Variants in ATP5PB observed in about 807,000 individuals in gnomAD.
ATP5PB encodes the protein ATP synthase peripheral stalk subunit b, mitochondrial.
ATP5PB carries 21 observed loss-of-function variants against 34.5 expected under a neutral mutation model. That is an observed-to-expected ratio of 0.61 (90% CI 0.43 to 0.88). The LOEUF (loss-of-function observed/expected upper bound fraction) is 0.88, where lower values mean the gene tolerates loss of function less well. ATP5PB is among the 40% of genes least tolerant of loss of function. ATP5PB has a pLI of 0.00. For synonymous variants in ATP5PB, 108 were observed against 114.1 expected, an observed-to-expected ratio of 0.95 and a Z score of 0.34; for missense variants, 293 against 317.4, an observed-to-expected ratio of 0.92 and a Z score of 0.58.
chr1:111,459,489 C>G lies in ATP5PB; in HGVS notation c.546C>G (p.Tyr182Ter). The G allele has an allele frequency of 6.2e-7, 1 of 1,610,026 alleles. No individual in the cohort carries two copies. The highest frequency in any genetic ancestry group is 1.1e-5 in the South Asian group (1 of 90,316). Residue 182 changes from tyrosine (Y) to a stop codon, truncating the protein, a stop_gained, in exon 6 of 7, where the codon TAC becomes TAG. Coordinates refer to ENST00000369722, the MANE Select transcript of ATP5PB (RefSeq NM_001688.5). LOFTEE classifies it high-confidence loss of function. ...NNIAMALEVT[Y>*]RERLYRVYKE... ...TTGCTATGGCTTTGGAAGTTACTTACCGGGAACGACTGTATAGAGTATATA... is the reference window on the plus strand; with the variant it reads ...TTGCTATGGCTTTGGAAGTTACTTAGCGGGAACGACTGTATAGAGTATATA...
intron 5 of ATP5PB, among the ~76,000 whole-genome samples, chr1:111,458,607 T>A (rs550965178): frequency 5.5e-4 from 84 of 151,678 alleles, no homozygotes; most frequent in African/African-American, 2.0e-3. Flanking sequence ...CCTGGGACTG[T>A]GATATATAAA....
chr1:111,462,321 T>C lies in ATP5PB; in HGVS notation c.*1327T>C, dbSNP rs1203661667. On this transcript the variant is annotated 3_prime_UTR_variant, in exon 7 of 7. Coordinates refer to ENST00000369722, the MANE Select transcript of ATP5PB (RefSeq NM_001688.5). The stretch of plus-strand genomic sequence containing the variant: ...GCATGAATGAACCTTGAGGACGTTA[T>C]GCAGTTTTACAGGATGAGTTATGGA... 6.6e-6 allele frequency: 1 copy of C among 152,266 alleles called. No individual in the cohort carries two copies. 9.4% of individuals were successfully genotyped at this position (152,266 alleles called of 1,614,324 possible). A position where few individuals can be genotyped will look rare whatever the true frequency, so the allele number is the denominator to read the frequency against.
At position 111,462,020 on chromosome 1, in the gene ATP5PB, C is replaced by T. The variant is rs1307265476; in HGVS notation, c.*1026C>T. The T allele has an allele frequency of 6.6e-6, 1 of 151,892 alleles. No homozygotes were observed. The highest frequency in any genetic ancestry group is 1.5e-5 in the Non-Finnish European group (1 of 68,010). 9.4% of individuals were successfully genotyped at this position (151,892 alleles called of 1,614,324 possible). A position where few individuals can be genotyped will look rare whatever the true frequency, so the allele number is the denominator to read the frequency against. On this transcript the variant is annotated 3_prime_UTR_variant, in exon 7 of 7. Coordinates refer to ENST00000369722, the MANE Select transcript of ATP5PB (RefSeq NM_001688.5). ...CTGTTCGTAGAAATATGAAATGGTA[C>T]AGCCATTATGGAAAAGTGTGGTGAT... is the stretch of plus-strand genomic sequence containing the variant.
intron 3 of ATP5PB, 79 bp downstream of exon 3, chr1:111,454,435 G>GTTT (rs1045534055): frequency 7.3e-5 from 107 of 1,474,824 alleles, no homozygotes; most frequent in South Asian, 1.5e-4. Flanking sequence ...TTCTTCTTTG[G>GTTT]TTTTTGTTGT....
chr1:111,454,663 C>T (rs1341441089), intron 3 of ATP5PB, among the ~76,000 whole-genome samples: 1 of 152,004 alleles, frequency 6.6e-6, no homozygotes, highest in Non-Finnish European at 1.5e-5. Flanking sequence ...GGCTGGTCTC[C>T]AACTCCTGGG....
At position 111,456,107 on chromosome 1, in the gene ATP5PB, G is replaced by C. The variant is rs1339133264; in HGVS notation, c.245G>C (p.Gly82Ala). Reference protein sequence around the residue: ...GVTGPYVLGTGLILYALSKEI... With the variant: ...GVTGPYVLGTALILYALSKEI... Reference sequence around the variant, plus strand: ...TTAGGACCCTATGTACTCGGAACTGGGCTTATCTTGTACGCTTTATCCAAA... The same window carrying C: ...TTAGGACCCTATGTACTCGGAACTGCGCTTATCTTGTACGCTTTATCCAAA... The change falls in exon 4 of 7, where the codon GGG (glycine) becomes GCG (alanine). Residue 82 changes from glycine (G) to alanine (A), a missense_variant. By Grantham distance (60) the Gly-to-Ala change is moderately conservative. Transcript: ENST00000369722. The C allele has an allele frequency of 6.2e-7, 1 of 1,604,428 alleles. No individual in the cohort carries two copies. The highest frequency in any genetic ancestry group is 1.7e-5 in the Admixed American group (1 of 58,728).
At chr1:111,451,755 C>G (rs946708001) in intron 2 of ATP5PB, among the ~76,000 whole-genome samples, 1 of 151,878 alleles carries the variant, frequency 6.6e-6, no homozygotes, top group Non-Finnish European at 1.5e-5. Context: ...TGTGGTGTTT[C>G]TTTGTTTGTT....
In ATP5PB at chr1:111,462,532, A is replaced by C. The variant is rs186687144; in HGVS notation, c.*1538A>C. 6.6e-6 allele frequency: 1 copy of C among 152,348 alleles called. No individual in the cohort carries two copies. The highest frequency in any genetic ancestry group is 1.5e-5 in the Non-Finnish European group (1 of 68,024). The allele number at this position is 152,348 out of a possible 1,614,324, so 9.4% of individuals were successfully genotyped here. A position where few individuals can be genotyped will look rare whatever the true frequency, so the allele number is the denominator to read the frequency against. On this transcript the variant is annotated 3_prime_UTR_variant, in exon 7 of 7. Coordinates refer to ENST00000369722, the MANE Select transcript of ATP5PB (RefSeq NM_001688.5). ...CTGCATTTGATTCTCCCATACTTGTACAAGGATTTATTTGTATTCAAATGG... is the reference window on the plus strand; with the variant it reads ...CTGCATTTGATTCTCCCATACTTGTCCAAGGATTTATTTGTATTCAAATGG...
chr1:111,451,610 G>C (rs1452716718), intron 2 of ATP5PB, among the ~76,000 whole-genome samples: 5 of 152,230 alleles, frequency 3.3e-5, no homozygotes, highest in Non-Finnish European at 1.5e-5. Context: ...GCCCAAAATG[G>C]GGGGAGGGCT....
intron 2 of ATP5PB, among the ~76,000 whole-genome samples, chr1:111,450,205 T>C (rs970851414): frequency 1.3e-5 from 2 of 152,192 alleles, no homozygotes; most frequent in Admixed American, 6.5e-5. Context: ...GTAGATGACA[T>C]ACCCAAGAAT....
At chr1:111,457,057 A>T (rs1294892986) in intron 5 of ATP5PB, among the ~76,000 whole-genome samples, 1 of 152,240 alleles carries the variant, frequency 6.6e-6, no homozygotes, top group East Asian at 1.9e-4. Flanking sequence ...TGTGTAAGGA[A>T]GACTAGGTAA....
intron 1 of ATP5PB, 65 bp downstream of exon 1, chr1:111,449,646 C>G (rs1222542003): frequency 1.9e-6 from 3 of 1,561,156 alleles, no homozygotes; most frequent in Non-Finnish European, 2.6e-6. Context: ...CTAGGGGTGA[C>G]AGGGAGGGGA....
At chr1:111,454,815 T>C (rs1407622546) in intron 3 of ATP5PB, among the ~76,000 whole-genome samples, 1 of 152,182 alleles carries the variant, frequency 6.6e-6, no homozygotes, top group Non-Finnish European at 1.5e-5. Context: ...TGGTATAAAT[T>C]TATTTGGGAT....
At chr1:111,459,962 C>G (rs796680735) in intron 6 of ATP5PB, among the ~76,000 whole-genome samples, 2 of 152,238 alleles carry the variant, frequency 1.3e-5, no homozygotes, top group African/African-American at 4.8e-5. Context: ...GCCAGGAGTT[C>G]AAGACCAACC....
At chr1:111,449,803 T>G in intron 1 of ATP5PB, 34 bp from the exon 2 acceptor site, 1 of 1,614,102 alleles carries the variant, frequency 6.2e-7, no homozygotes, top group Non-Finnish European at 8.5e-7. Flanking sequence ...AGATTTCATT[T>G]GACTTTGCTG....
At chr1:111,450,626 T>G (rs1175473072) in intron 2 of ATP5PB, among the ~76,000 whole-genome samples, 1 of 152,228 alleles carries the variant, frequency 6.6e-6, no homozygotes, top group Non-Finnish European at 1.5e-5. Context: ...ATTTAGCAGC[T>G]GTTACCGTTA....
At chr1:111,458,739 T>A (rs552655182) in intron 5 of ATP5PB, among the ~76,000 whole-genome samples, 1 of 152,286 alleles carries the variant, frequency 6.6e-6, no homozygotes, top group East Asian at 1.9e-4. Flanking sequence ...TTGTGATGCC[T>A]ATGGGTTAGC....
At position 111,460,920 on chromosome 1, in the gene ATP5PB, AAGG is replaced by A. The variant is rs1369784178; in HGVS notation, c.700_702del (p.Glu234del). 6.2e-7 allele frequency: 1 copy of A among 1,613,682 alleles called. No individual in the cohort carries two copies. The highest frequency in any genetic ancestry group is 1.1e-5 in the South Asian group (1 of 91,062). ...GATTTCTCTTTCCTTATCACAGGAA[AAGG>A]AGACAATTGCCAAGTGCATTGCGGA... On this transcript the variant is annotated inframe_deletion, in exon 7 of 7. Transcript: ENST00000369722.
rs546228586 is a variant in ATP5PB at position 111,459,270 on chromosome 1, A to G, written c.514-187A>G. Among the ~76,000 whole-genome samples, 7 of 152,314 alleles carry G rather than the reference A, an allele frequency of 4.6e-5. No homozygotes were observed. In the South Asian group the frequency reaches 8.3e-4, roughly 18 times the overall value. ...GGAGGCTGAAGGAGACTTATTTCAT[A>G]CAGCATCACTTTTAAATATGTTTTT... On this transcript the variant is annotated intron_variant, in intron 5 of 6. Transcript: ENST00000369722.
Sources: gnomAD v4.1 joint callset for allele counts (sites outside exome capture counted in the v4.1 genomes callset) on GRCh38, gnomAD v4.1.1 for gene constraint, MANE v1.5 for transcripts, NCBI Gene and HGNC (gene_info 2026-07-23, HGNC 2026-07-21) for gene names.